The following CNTN3 variants were observed in gnomAD, a reference collection of about 807,000 sequenced individuals.
CNTN3 encodes contactin 3, also known as contactin-3.
In CNTN3, 60 loss-of-function variants were observed where a neutral mutation model predicts 119.1. That is an observed-to-expected ratio of 0.50 (90% CI 0.41 to 0.62). The LOEUF (loss-of-function observed/expected upper bound fraction) is 0.62. Ranked by LOEUF, CNTN3 falls within the 20% of genes least tolerant of loss-of-function variation. CNTN3 has a pLI of 0.00. For missense variants in CNTN3, 1,101 were observed against 1,242.4 expected (o/e 0.89, Z 1.71); for synonymous variants, 450 against 438.7 (o/e 1.03, Z -0.32).
chr3:74,518,529 G>A (rs1349012459), intron 2 of CNTN3, among the ~76,000 whole-genome samples: 1 of 151,812 alleles, frequency 6.6e-6, no homozygotes, highest in African/African-American at 2.4e-5. Flanking sequence ...TACTCGAAGT[G>A]CCACATCCAA....
rs9819512 is a variant in CNTN3 at position 74,573,382 on chromosome 3, A to G, written c.-81+41009T>C. 8.3e-3 allele frequency among the ~76,000 whole-genome samples: 1,256 copies of G among 152,232 alleles called. 17 individuals are homozygous for G. The highest frequency in any genetic ancestry group is 0.029 in the African/African-American group (1,191 of 41,540). ...GTCTTAGAAGAAAACATAGGTATAA[A>G]TCTTTGTGACTTTGAATTAGGAAAT... On this transcript the variant is annotated intron_variant, in intron 1 of 22. Coordinates refer to ENST00000263665, the MANE Select transcript of CNTN3 (RefSeq NM_020872.3).
chr3:74,272,578 A>G (rs1214049483), intron 20 of CNTN3, among the ~76,000 whole-genome samples: 1 of 152,210 alleles, frequency 6.6e-6, no homozygotes, highest in Non-Finnish European at 1.5e-5. Context: ...GTATTGCATT[A>G]TATGTGTGAT....
rs968273322 is a variant in CNTN3, at chr3:74,266,373, G to GT, written c.2986+107dup. On this transcript the variant is annotated intron_variant, in intron 22 of 22. Transcript: ENST00000263665. ...GCCAAAACCTTACCGGCATTTGGAT[G>GT]TAAGCCTTGCTGGAAAGAAAGAATG... The GT allele has an allele frequency of 1.6e-5, 19 of 1,179,738 alleles. No individual in the cohort carries two copies. In the Admixed American group the frequency reaches 2.3e-4, roughly 14 times the overall value. 73.1% of individuals were successfully genotyped at this position (1,179,738 alleles called of 1,614,324 possible).
intron 4 of CNTN3, among the ~76,000 whole-genome samples, chr3:74,476,604 C>A (rs1425260180): frequency 6.6e-6 from 1 of 152,118 alleles, no homozygotes; most frequent in Non-Finnish European, 1.5e-5. Flanking sequence ...TTGCAATATT[C>A]TGATCTAACA....
intron 13 of CNTN3, among the ~76,000 whole-genome samples, chr3:74,311,865 A>C (rs1258082726): frequency 6.6e-6 from 1 of 152,230 alleles, no homozygotes; most frequent in Non-Finnish European, 1.5e-5. Flanking sequence ...AGACAGGTGG[A>C]TACAGATAAT....
chr3:74,328,397 T>C (rs1703180635), intron 13 of CNTN3, among the ~76,000 whole-genome samples: 1 of 152,244 alleles, frequency 6.6e-6, no homozygotes, highest in South Asian at 2.1e-4. Context: ...GAAATTAACA[T>C]TTGTTGCACT....
rs372275773 is a variant in CNTN3 at position 74,365,622 on chromosome 3, C to G, written c.1027G>C (p.Gly343Arg). 6.2e-7 allele frequency: 1 copy of G among 1,613,394 alleles called. No individual in the cohort carries two copies. The highest frequency in any genetic ancestry group is 1.1e-5 in the South Asian group (1 of 91,062). ...DSLYWECRAS[G>R]KPKPSYRWLK... is the part of the protein sequence containing the mutation. ...CATCGGTAGGAAGGCTTGGGCTTGCCGCTTGCCCTGCATTCCCAATAAAGA... is the reference window on the plus strand; with the variant it reads ...CATCGGTAGGAAGGCTTGGGCTTGCGGCTTGCCCTGCATTCCCAATAAAGA... The change falls in exon 9 of 23, where the codon GGC (glycine) becomes CGC (arginine). Residue 343 changes from glycine (G) to arginine (R), a missense_variant. Gly to Arg is a moderately radical substitution (Grantham distance 125, BLOSUM62 -2). Coordinates refer to ENST00000263665, the MANE Select transcript of CNTN3 (RefSeq NM_020872.3).
At position 74,449,640 on chromosome 3, in the gene CNTN3, G is replaced by A. The variant is rs114643480; in HGVS notation, c.359-24700C>T. 2.5e-3 allele frequency among the ~76,000 whole-genome samples: 385 copies of A among 152,096 alleles called. 2 individuals carry two copies. The highest frequency in any genetic ancestry group is 8.9e-3 in the African/African-American group (369 of 41,536). On this transcript the variant is annotated intron_variant, in intron 4 of 22. Coordinates refer to ENST00000263665, the MANE Select transcript of CNTN3 (RefSeq NM_020872.3). ...CACACCTTTTGAAACTGCAGAAAGC[G>A]GTAATTTATATATTATGCAAGAAAA...
intron 1 of CNTN3, among the ~76,000 whole-genome samples, chr3:74,582,489 G>A (rs1704528394): frequency 6.6e-6 from 1 of 151,884 alleles, no homozygotes; most frequent in African/African-American, 2.4e-5. Flanking sequence ...AAGAATATAG[G>A]TAAATAAATA....
At chr3:74,392,730 A>C (rs2106832281) in intron 5 of CNTN3, among the ~76,000 whole-genome samples, 1 of 152,334 alleles carries the variant, frequency 6.6e-6, no homozygotes, top group African/African-American at 2.4e-5. Flanking sequence ...CTACAAAAAG[A>C]GTATTAAAAG....
rs781317417 is a variant in CNTN3 at position 74,371,255 on chromosome 3, C to G, written c.599G>C (p.Ser200Thr). The change falls in exon 6 of 23, where the codon AGT becomes ACT. Residue 200 changes from serine to threonine, a missense_variant. By Grantham distance (58) the Ser-to-Thr change is moderately conservative (BLOSUM62 1). Transcript: ENST00000263665. ...DVGNYTCVVTSMVTNARVLGS... is the reference protein window; with the variant it reads ...DVGNYTCVVTTMVTNARVLGS... ...CAGCACTCGGGCATTTGTCACCATACTTGTCACCACACATGTGTAATTTCC... is the reference window on the plus strand; with the variant it reads ...CAGCACTCGGGCATTTGTCACCATAGTTGTCACCACACATGTGTAATTTCC... 2 of 1,613,522 alleles carry G rather than the reference C, an allele frequency of 1.2e-6. No individual in the cohort carries two copies. Among genetic ancestry groups the G allele is most frequent in the Non-Finnish European group, 1.7e-6 (2 of 1,179,686 alleles).
intron 1 of CNTN3, among the ~76,000 whole-genome samples, chr3:74,569,186 T>C (rs945531203): frequency 4.6e-5 from 7 of 152,190 alleles, no homozygotes; most frequent in Admixed American, 2.0e-4. Flanking sequence ...CTCATATCTG[T>C]TACCTGTGAC....
At chr3:74,278,048 A>G (rs1701916773) in intron 20 of CNTN3, among the ~76,000 whole-genome samples, 1 of 151,780 alleles carries the variant, frequency 6.6e-6, no homozygotes, top group Non-Finnish European at 1.5e-5. Flanking sequence ...ACTTATGAAT[A>G]TACCTAACCA....
rs1553686404 is a variant in CNTN3, at chr3:74,614,450, G to GCCGCCGCCA, written c.-141_-140insTGGCGGCGG. On this transcript the variant is annotated 5_prime_UTR_variant, in exon 1 of 23. Coordinates refer to ENST00000263665, the MANE Select transcript of CNTN3 (RefSeq NM_020872.3). ...CGGCCCACTCGCCGCCGCCGCCGCC[G>GCCGCCGCCA]CCGCCGCCGCCGCCACCGCCGCCGC... Among the ~76,000 whole-genome samples, 2 of 139,690 alleles carry GCCGCCGCCA rather than the reference G, an allele frequency of 1.4e-5. No homozygotes were observed. The highest frequency in any genetic ancestry group is 2.8e-5 in the African/African-American group (1 of 35,530). The allele number at this position is 139,690 out of a possible 152,430, so 91.6% of individuals were successfully genotyped here.
At chr3:74,530,761 T>G (rs1340715603) in intron 1 of CNTN3, among the ~76,000 whole-genome samples, 1 of 151,740 alleles carries the variant, frequency 6.6e-6, no homozygotes, top group African/African-American at 2.4e-5. Context: ...AGAGGAAAGC[T>G]AGGGTATCTC....
chr3:74,434,182 C>A (rs77164407), intron 4 of CNTN3, among the ~76,000 whole-genome samples: 1,527 of 152,300 alleles, frequency 0.01, 21 homozygotes, highest in Middle Eastern at 0.054. Context: ...AGGTGTGTCA[C>A]TTGATTGCCC....
intron 20 of CNTN3, among the ~76,000 whole-genome samples, chr3:74,277,291 A>G (rs1701901481): frequency 6.6e-6 from 1 of 152,098 alleles, no homozygotes; most frequent in Non-Finnish European, 1.5e-5. Flanking sequence ...CCCTAATACT[A>G]ACACCAGGAA....
chr3:74,600,253 T>C (rs547228230), intron 1 of CNTN3, among the ~76,000 whole-genome samples: 37 of 152,138 alleles, frequency 2.4e-4, no homozygotes, highest in African/African-American at 8.9e-4. Flanking sequence ...GCAAACTCAA[T>C]TTCAACCCTA....
At chr3:74,488,372 C>T (rs1702898756) in intron 3 of CNTN3, among the ~76,000 whole-genome samples, 1 of 152,138 alleles carries the variant, frequency 6.6e-6, no homozygotes, top group Non-Finnish European at 1.5e-5. Context: ...CTCGGCCTCC[C>T]AAAGTGCTGA....
Sources: gnomAD v4.1 joint callset for allele counts (sites outside exome capture counted in the v4.1 genomes callset) on GRCh38, gnomAD v4.1.1 for gene constraint, MANE v1.5 for transcripts, NCBI Gene and HGNC (gene_info 2026-07-23, HGNC 2026-07-21) for gene names.